PREPL: variants seen among roughly 807,000 people sequenced by gnomAD.
The protein encoded by PREPL is prolyl endopeptidase like, also known as prolyl endopeptidase-like.
In PREPL, 77 loss-of-function variants were observed where a neutral mutation model predicts 70.6. The ratio of observed to expected loss-of-function variants is 1.09; its 90% CI spans 0.91 to 1.32. The LOEUF is 1.32. Ranked by LOEUF, PREPL falls within the 40% of genes most tolerant of loss-of-function variation. PREPL has a pLI of 0.00. For missense variants in PREPL, 1,002 were observed against 778.2 expected (o/e 1.29, Z -3.42); for synonymous variants, 315 against 264.8 (o/e 1.19, Z -1.84).
At chr2:44,327,918 G>A (rs1673682580) in intron 9 of PREPL, among the ~76,000 whole-genome samples, 1 of 151,874 alleles carries the variant, frequency 6.6e-6, no homozygotes, top group Non-Finnish European at 1.5e-5. Flanking sequence ...GGAAGGCTGA[G>A]GCGGGCGGAC....
chr2:44,320,201 C>T lies in PREPL; in HGVS notation c.*1155G>A. On this transcript the variant is annotated 3_prime_UTR_variant, in exon 14 of 14. Transcript: ENST00000409411. ...TAAATACTTTTTTAAAAAAATAGGT[C>T]CAAAAGACTCAGCCCAGATCGGCTT... 1 of 1,612,048 alleles carries T rather than the reference C, an allele frequency of 6.2e-7. No individual in the cohort carries two copies. Among genetic ancestry groups the T allele is most frequent in the Non-Finnish European group, 8.5e-7 (1 of 1,178,578 alleles).
At chr2:44,333,057 A>G (rs1033714854) in intron 7 of PREPL, among the ~76,000 whole-genome samples, 2 of 152,190 alleles carry the variant, frequency 1.3e-5, no homozygotes, top group Non-Finnish European at 2.9e-5. Context: ...AATTCCTCAC[A>G]TGCGTGTGTT....
chr2:44,353,607 A>C (rs1676691574), intron 1 of PREPL, among the ~76,000 whole-genome samples: 2 of 152,032 alleles, frequency 1.3e-5, no homozygotes, highest in South Asian at 4.2e-4. Context: ...ATAAATAAAT[A>C]AATAAAACTT....
intron 1 of PREPL, among the ~76,000 whole-genome samples, chr2:44,353,698 A>C (rs182661536): frequency 1.3e-5 from 2 of 152,376 alleles, no homozygotes; most frequent in Non-Finnish European, 2.9e-5. Context: ...GTGAGAGTCA[A>C]GAATAAACCA....
rs186528880 is a variant in PREPL at position 44,339,440 on chromosome 2, G to A, written c.486-77C>T. 2.5e-4 allele frequency: 395 copies of A among 1,563,552 alleles called. 3 individuals carry two copies. In the African/African-American group the frequency reaches 5.0e-3, roughly 20 times the overall value. On this transcript the variant is annotated intron_variant, in intron 5 of 13. Coordinates refer to ENST00000409411, the MANE Select transcript of PREPL (RefSeq NM_001171613.2). The stretch of plus-strand genomic sequence containing the variant: ...ACCTTGTTAAGGACAGTATCTCAGA[G>A]GTGGTCAGTATACATGTTGATTTAT...
At chr2:44,357,947 G>A (rs1272954112) in intron 1 of PREPL, among the ~76,000 whole-genome samples, 1 of 152,052 alleles carries the variant, frequency 6.6e-6, no homozygotes, top group African/African-American at 2.4e-5. Context: ...CTACAAAAAG[G>A]AAAAGAATTT....
At chr2:44,341,832 A>G (rs1675260681) in intron 5 of PREPL, among the ~76,000 whole-genome samples, 1 of 152,034 alleles carries the variant, frequency 6.6e-6, no homozygotes, top group South Asian at 2.1e-4. Context: ...AATTGAAACC[A>G]TAGCATATAT....
chr2:44,325,149 ACTTCT>A (rs1468820425), intron 10 of PREPL, among the ~76,000 whole-genome samples: 1 of 152,150 alleles, frequency 6.6e-6, no homozygotes, highest in Non-Finnish European at 1.5e-5. Context: ...TAAGTGCTAG[ACTTCT>A]CTTTCCCATT....
In PREPL at chr2:44,339,317, T is replaced by TG; in HGVS notation, c.531dup (p.Ile178HisfsTer10). 1 of 1,614,006 alleles carries TG rather than the reference T, an allele frequency of 6.2e-7. No individual in the cohort carries two copies. The highest frequency in any genetic ancestry group is 1.3e-5 in the African/African-American group (1 of 75,016). On this transcript the variant is annotated frameshift_variant, in exon 6 of 14. Transcript: ENST00000409411. LOFTEE classifies it high-confidence loss of function. ...GAAGTAGTCTTGTTCATAATATTTA[T>TG]GGTGAGGAAACGACTGTCTTTTGTA...
At chr2:44,337,691 G>C (rs556712514) in intron 7 of PREPL, among the ~76,000 whole-genome samples, 1 of 152,154 alleles carries the variant, frequency 6.6e-6, no homozygotes, top group Non-Finnish European at 1.5e-5. Context: ...TTTAAAACTA[G>C]GCAATAAGGT....
Position 44,332,603 on chromosome 2 carries a change from G to A in PREPL, c.942C>T (p.Asn314=), listed in dbSNP as rs920310335. ...TTGGAGAGCAAAGTTGAAAGGGGCA[G>A]TTCTTTGGGTCAGAATTTGTATCCA... ...FIMDTNSDPK[N]CPFQLCSPIR... The change falls in exon 8 of 14, where the codon AAC becomes AAT. Residue 314 remains asparagine (N), a synonymous_variant. Transcript: ENST00000409411. 1 of 1,613,942 alleles carries A rather than the reference G, an allele frequency of 6.2e-7. No homozygotes were observed. Among genetic ancestry groups the A allele is most frequent in the Non-Finnish European group, 8.5e-7 (1 of 1,179,826 alleles).
rs1672545814 is a variant in PREPL at position 44,317,738 on chromosome 2, T to C, written c.*3618A>G. 6.6e-6 allele frequency: 1 copy of C among 152,148 alleles called. No homozygotes were observed. The highest frequency in any genetic ancestry group is 6.6e-5 in the Admixed American group (1 of 15,248). The allele number at this position is 152,148 out of a possible 1,614,324, so 9.4% of individuals were successfully genotyped here. A position where few individuals can be genotyped will look rare whatever the true frequency, so the allele number is the denominator to read the frequency against. On this transcript the variant is annotated 3_prime_UTR_variant, in exon 14 of 14. Transcript: ENST00000409411. ...TCAAAGAATACTAGAAGAAAAAAAT[T>C]ATACAGTCAATCCAACAAAAAGCTT...
chr2:44,339,103 ACTT>A lies in PREPL; in HGVS notation c.702+41_702+43del, dbSNP rs1256915417. The A allele has an allele frequency of 3.7e-6, 6 of 1,603,144 alleles. No homozygotes were observed. In the African/African-American group the frequency reaches 5.4e-5, roughly 14 times the overall value. ...GAAATGTTGTTGATCGAAGTGTGAC[ACTT>A]CTTAACAGCCCAAATAGGAACAACG... is the stretch of plus-strand genomic sequence containing the variant. On this transcript the variant is annotated intron_variant, in intron 6 of 13. Transcript: ENST00000409411.
Position 44,319,031 on chromosome 2 carries a change from T to G in PREPL, c.*2325A>C, listed in dbSNP as rs1672692838. 6.6e-6 allele frequency: 1 copy of G among 152,266 alleles called. No homozygotes were observed. Among genetic ancestry groups the G allele is most frequent in the Non-Finnish European group, 1.5e-5 (1 of 68,050 alleles). The allele number at this position is 152,266 out of a possible 1,614,324, so 9.4% of individuals were successfully genotyped here. A position where few individuals can be genotyped will look rare whatever the true frequency, so the allele number is the denominator to read the frequency against. On this transcript the variant is annotated 3_prime_UTR_variant, in exon 14 of 14. Coordinates refer to ENST00000409411, the MANE Select transcript of PREPL (RefSeq NM_001171613.2). ...CGGGCACTTCTTATGTGAGTGGCAC[T>G]GAAACATGTGCTTTCATGCATTACC...
intron 1 of PREPL, among the ~76,000 whole-genome samples, chr2:44,354,306 T>C (rs532650195): frequency 3.2e-4 from 49 of 152,336 alleles, no homozygotes; most frequent in Non-Finnish European, 6.2e-4. Context: ...TATAAACACG[T>C]TGCTTATCTA....
At chr2:44,329,140 A>T (rs758607355) in intron 8 of PREPL, 28 bp from the exon 9 acceptor site, 39 of 1,533,236 alleles carry the variant, frequency 2.5e-5, no homozygotes, top group African/African-American at 4.1e-5. Context: ...CTATGTATGT[A>T]AAGAAGAGTC....
chr2:44,345,538 G>A (rs1002280361), intron 2 of PREPL, among the ~76,000 whole-genome samples: 4 of 151,896 alleles, frequency 2.6e-5, no homozygotes, highest in African/African-American at 9.7e-5. Context: ...AGTAGAGATG[G>A]GGTTTCACCA....
chr2:44,341,570 C>T (rs1354407788), intron 5 of PREPL, among the ~76,000 whole-genome samples: 2 of 151,874 alleles, frequency 1.3e-5, no homozygotes, highest in African/African-American at 4.8e-5. Flanking sequence ...TATGTGGTTA[C>T]AGGAAGTGAG....
intron 9 of PREPL, among the ~76,000 whole-genome samples, chr2:44,328,541 T>C (rs1673769400): frequency 6.6e-6 from 1 of 151,706 alleles, no homozygotes; most frequent in Non-Finnish European, 1.5e-5. Context: ...GACTGTGTTC[T>C]AGAGATGGGG....
Sources: allele counts gnomAD v4.1 joint callset (sites outside exome capture counted in the v4.1 genomes callset), GRCh38; gene constraint gnomAD v4.1.1; transcripts MANE v1.5; gene names NCBI Gene and HGNC (gene_info 2026-07-23, HGNC 2026-07-21).